The following AFTPH variants were observed in gnomAD, a reference collection of about 807,000 sequenced individuals.
The protein encoded by AFTPH is aftiphilin, also known as aftiphilin protein.
AFTPH carries 7 observed loss-of-function variants against 72.5 expected under a neutral mutation model. That is an observed-to-expected ratio of 0.10 (90% CI 0.05 to 0.18). AFTPH has a LOEUF of 0.18. Ranked by LOEUF, AFTPH falls within the 10% of genes least tolerant of loss-of-function variation. The probability of loss-of-function intolerance (pLI) is 1.00; values close to 1 mark genes in which losing one functional copy is unlikely to be tolerated. For synonymous variants in AFTPH, 337 were observed against 370.1 expected (o/e 0.91, Z 1.03); for missense variants, 979 against 1,060.5 (o/e 0.92, Z 1.07).
At chr2:64,569,415 G>T (rs1210300458) in intron 4 of AFTPH, among the ~76,000 whole-genome samples, 197 bp downstream of exon 4, 1 of 151,972 alleles carries the variant, frequency 6.6e-6, no homozygotes, top group African/African-American at 2.4e-5. Context: ...CTTATTTTTA[G>T]AAAAAATTGT....
intron 1 of AFTPH, among the ~76,000 whole-genome samples, chr2:64,549,780 A>AG (rs1315213977): frequency 1.4e-5 from 2 of 145,832 alleles, no homozygotes; most frequent in Non-Finnish European, 2.9e-5. Context: ...TTGGCTGTTG[A>AG]GAAAAAAAAA....
At chr2:64,581,314 A>G in intron 7 of AFTPH, 41 bp downstream of exon 8, 3 of 1,509,524 alleles carry the variant, frequency 2.0e-6, no homozygotes, top group Non-Finnish European at 2.7e-6. Flanking sequence ...TTTATTTACT[A>G]AAAGCATGAC....
intron 1 of AFTPH, among the ~76,000 whole-genome samples, chr2:64,547,949 T>C (rs1326251920): frequency 2.0e-5 from 3 of 152,056 alleles, no homozygotes; most frequent in Middle Eastern, 3.4e-3. Flanking sequence ...CATGCCTGGC[T>C]AATATTTTGT....
exon 2 of AFTPH, chr2:64,552,597 ACTT>A (rs1468183978): frequency 2.5e-6 from 4 of 1,614,046 alleles, no homozygotes; most frequent in African/African-American, 1.3e-5. Context: ...TTCTGTTAAA[ACTT>A]CTGATGATGA....
At chr2:64,555,837 T>C (rs1671326074) in intron 2 of AFTPH, among the ~76,000 whole-genome samples, 2 of 152,178 alleles carry the variant, frequency 1.3e-5, no homozygotes, top group South Asian at 4.1e-4. Context: ...TGAAAGAGAA[T>C]TGCGGCTGGC....
chr2:64,562,789 A>C (rs991872541), intron 2 of AFTPH, among the ~76,000 whole-genome samples: 1 of 152,206 alleles, frequency 6.6e-6, no homozygotes, highest in Non-Finnish European at 1.5e-5. Flanking sequence ...TTCAGAGTAC[A>C]TCTTTTGATC....
intron 1 of AFTPH, among the ~76,000 whole-genome samples, chr2:64,548,727 G>A (rs1358463281): frequency 1.3e-5 from 2 of 151,824 alleles, no homozygotes; most frequent in Non-Finnish European, 2.9e-5. Flanking sequence ...AGATTACCTC[G>A]TACACTAATT....
chr2:64,569,649 T>C (rs954451558), exon 5 of AFTPH: 2 of 1,613,784 alleles, frequency 1.2e-6, no homozygotes, highest in Non-Finnish European at 8.5e-7. Context: ...AGAAGCAGCC[T>C]GTTATAGTGC....
At chr2:64,529,770 C>T (rs1437663651) in intron 1 of AFTPH, among the ~76,000 whole-genome samples, 5 of 151,894 alleles carry the variant, frequency 3.3e-5, no homozygotes, top group South Asian at 4.1e-4. Flanking sequence ...GCTGGGACCA[C>T]GGGCGCACAC....
At chr2:64,540,252 T>A (rs537989251) in intron 1 of AFTPH, among the ~76,000 whole-genome samples, 68 of 152,224 alleles carry the variant, frequency 4.5e-4, no homozygotes, top group African/African-American at 1.5e-3. Flanking sequence ...GCAAAAAAAA[T>A]GTTTTCCAAG....
chr2:64,528,288 A>G (rs1358960734), intron 1 of AFTPH, among the ~76,000 whole-genome samples: 1 of 152,162 alleles, frequency 6.6e-6, no homozygotes, highest in East Asian at 1.9e-4. Flanking sequence ...TCTTCCTTTC[A>G]TTCATAAAAC....
chr2:64,532,773 T>G (rs1363019356), intron 1 of AFTPH, among the ~76,000 whole-genome samples: 1 of 152,178 alleles, frequency 6.6e-6, no homozygotes, highest in Non-Finnish European at 1.5e-5. Flanking sequence ...TGGTAATTAT[T>G]AATAAAAGCC....
chr2:64,543,905 A>C (rs1670404395), intron 1 of AFTPH, among the ~76,000 whole-genome samples: 1 of 152,174 alleles, frequency 6.6e-6, no homozygotes, highest in Non-Finnish European at 1.5e-5. Flanking sequence ...TCCATAAGCA[A>C]GTGCAGCTTC....
rs557936259 is a variant in AFTPH, at chr2:64,572,831, T to C, written c.2272-115T>C. On this transcript the variant is annotated intron_variant, in intron 5 of 8. Coordinates refer to ENST00000238856, the Ensembl canonical transcript of AFTPH. ...AAAAAAAAAAAGACTAGTTCCTTTTTGTCTTCAGTACTTTCCAAGTGACCT... is the reference window on the plus strand; with the variant it reads ...AAAAAAAAAAAGACTAGTTCCTTTTCGTCTTCAGTACTTTCCAAGTGACCT... 170 of 1,380,452 alleles carry C rather than the reference T, an allele frequency of 1.2e-4. No individual in the cohort carries two copies. In the African/African-American group the frequency reaches 2.2e-3, roughly 18 times the overall value. 85.5% of individuals were successfully genotyped at this position (1,380,452 alleles called of 1,614,324 possible).
intron 6 of AFTPH, among the ~76,000 whole-genome samples, chr2:64,575,703 ATGTGTGTGTGTGTGTGTGTGTGTGTGTG>A: frequency 6.9e-6 from 1 of 145,816 alleles, no homozygotes; most frequent in South Asian, 2.2e-4. Context: ...ATGTGTGTAT[ATGTGTGTGTGTGTGTGTGTGTGTGTGTG>A]TGTGTGTGTG....
chr2:64,528,117 A>T (rs1669390000), intron 1 of AFTPH, among the ~76,000 whole-genome samples: 1 of 152,254 alleles, frequency 6.6e-6, no homozygotes, highest in African/African-American at 2.4e-5. Flanking sequence ...TTGCTAATTA[A>T]TTAAAGGTTA....
exon 9 of AFTPH, chr2:64,592,041 G>A (rs199508613): frequency 3.7e-6 from 6 of 1,602,398 alleles, no homozygotes; most frequent in South Asian, 1.1e-5. Context: ...GATAACTGAT[G>A]TGAATTGGAC....
chr2:64,534,391 A>C (rs911495411), intron 1 of AFTPH, among the ~76,000 whole-genome samples: 2 of 152,146 alleles, frequency 1.3e-5, no homozygotes, highest in Non-Finnish European at 2.9e-5. Context: ...AATTACTAAG[A>C]GTTTCAGATA....
chr2:64,535,744 A>G (rs763326830), intron 1 of AFTPH, among the ~76,000 whole-genome samples: 15 of 146,154 alleles, frequency 1.0e-4, no homozygotes, highest in African/African-American at 4.0e-4. Context: ...CTTTGGACAT[A>G]TAAGAACAAT....
Sources: allele counts gnomAD v4.1 joint callset (sites outside exome capture counted in the v4.1 genomes callset), GRCh38; gene constraint gnomAD v4.1.1; transcripts MANE v1.5; gene names NCBI Gene and HGNC (gene_info 2026-07-23, HGNC 2026-07-21).